Variants in RALGPS1 observed in about 807,000 individuals in gnomAD.
RALGPS1 encodes the protein Ral GEF with PH domain and SH3 binding motif 1, also known as ras-specific guanine nucleotide-releasing factor RalGPS1.
RALGPS1 carries 19 observed loss-of-function variants against 78.8 expected under a neutral mutation model. That is an observed-to-expected ratio of 0.24 (90% CI 0.17 to 0.35). The LOEUF (loss-of-function observed/expected upper bound fraction) is 0.35, where lower values mean the gene tolerates loss of function less well. RALGPS1 is among the 10% of genes least tolerant of loss of function. RALGPS1 has a pLI of 1.00. For synonymous variants in RALGPS1, 228 were observed against 256.3 expected (o/e 0.89, Z 1.06); for missense variants, 454 against 688.3 (o/e 0.66, Z 3.81).
chr9:127,173,858 C>T (rs377304944), intron 10 of RALGPS1, among the ~76,000 whole-genome samples: 1 of 152,214 alleles, frequency 6.6e-6, no homozygotes, highest in African/African-American at 2.4e-5. Flanking sequence ...ACTAAAAATA[C>T]AAAAATTAGC....
intron 4 of RALGPS1, among the ~76,000 whole-genome samples, chr9:127,003,977 G>T (rs1245008337): frequency 6.6e-6 from 1 of 152,126 alleles, no homozygotes; most frequent in Non-Finnish European, 1.5e-5. Flanking sequence ...GGCATCTTGG[G>T]CCTCAAATCC....
intron 8 of RALGPS1, among the ~76,000 whole-genome samples, chr9:127,111,584 C>T (rs866751378): frequency 1.3e-5 from 2 of 152,318 alleles, no homozygotes; most frequent in South Asian, 2.1e-4. Flanking sequence ...GTCAGAGCTG[C>T]GCAGAGGAGG....
At chr9:127,182,344 T>G (rs932755176) in intron 11 of RALGPS1, among the ~76,000 whole-genome samples, 1 of 144,078 alleles carries the variant, frequency 6.9e-6, no homozygotes, top group South Asian at 2.4e-4. Flanking sequence ...CTTCCTTCCT[T>G]CCTTCCTCCC....
At chr9:127,089,197 T>C in intron 8 of RALGPS1, 2 of 1,576,684 alleles carry the variant, frequency 1.3e-6, no homozygotes, top group Non-Finnish European at 1.7e-6. Flanking sequence ...CTTGCGTCCA[T>C]AGTGCTCAGG....
chr9:127,182,536 T>C (rs767959339), intron 11 of RALGPS1, among the ~76,000 whole-genome samples: 64 of 151,510 alleles, frequency 4.2e-4, no homozygotes, highest in Non-Finnish European at 8.2e-4. Flanking sequence ...TTCAAGTGAT[T>C]CTCCTGCCTC....
At chr9:126,965,815 T>C (rs761539696) in intron 2 of RALGPS1, 29 bp from the exon 3 acceptor site, 8 of 1,559,398 alleles carry the variant, frequency 5.1e-6, no homozygotes, top group Non-Finnish European at 6.2e-6. Context: ...TATCATTCAG[T>C]TGGCACCATC....
intron 8 of RALGPS1, chr9:127,093,714 A>G (rs373723019): frequency 8.7e-6 from 14 of 1,612,974 alleles, no homozygotes; most frequent in Middle Eastern, 1.6e-4. Flanking sequence ...CAGCACAGAC[A>G]TCCCCTGCCG....
chr9:127,154,970 G>T (rs12115785), intron 8 of RALGPS1, among the ~76,000 whole-genome samples: 1 of 152,144 alleles, frequency 6.6e-6, no homozygotes, highest in Non-Finnish European at 1.5e-5. Context: ...ATAGAGGCAG[G>T]TTTCTAAGGC....
chr9:126,918,759 G>A (rs1290835325), intron 1 of RALGPS1, among the ~76,000 whole-genome samples: 5 of 148,818 alleles, frequency 3.4e-5, no homozygotes, highest in East Asian at 2.0e-4. Flanking sequence ...AGCAACCTCC[G>A]CCTCCCGGGT....
At chr9:127,193,521 A>G (rs1335085140) in intron 11 of RALGPS1, among the ~76,000 whole-genome samples, 5 of 152,216 alleles carry the variant, frequency 3.3e-5, no homozygotes, top group Non-Finnish European at 7.3e-5. Context: ...ACAGGAGCTC[A>G]GAACTGGAGG....
intron 1 of RALGPS1, among the ~76,000 whole-genome samples, chr9:126,943,361 G>T (rs1158862200): frequency 6.6e-6 from 1 of 152,042 alleles, no homozygotes; most frequent in African/African-American, 2.4e-5. Context: ...CAGGCTGGTT[G>T]TGAACTCCTG....
intron 2 of RALGPS1, among the ~76,000 whole-genome samples, chr9:126,965,495 A>C (rs2039391129): frequency 6.6e-6 from 1 of 152,204 alleles, no homozygotes; most frequent in African/African-American, 2.4e-5. Flanking sequence ...GGGTGTGGCA[A>C]CTGAAGGTAT....
At chr9:127,018,762 C>T (rs1260147787) in intron 4 of RALGPS1, among the ~76,000 whole-genome samples, 1 of 151,998 alleles carries the variant, frequency 6.6e-6, no homozygotes, top group Non-Finnish European at 1.5e-5. Flanking sequence ...ATTGTATGTG[C>T]TGTACCTTTA....
intron 4 of RALGPS1, among the ~76,000 whole-genome samples, chr9:127,004,082 C>T (rs936546411): frequency 2.0e-5 from 3 of 152,110 alleles, no homozygotes; most frequent in Admixed American, 6.6e-5. Flanking sequence ...GTTACTTTGC[C>T]GTAGACAGAG....
At chr9:127,072,317 A>G (rs1237837428) in intron 8 of RALGPS1, among the ~76,000 whole-genome samples, 4 of 152,128 alleles carry the variant, frequency 2.6e-5, no homozygotes, top group Admixed American at 6.5e-5. Flanking sequence ...GGTTGAAGTG[A>G]TCCTCCCGCC....
In RALGPS1 at chr9:126,932,836, T is replaced by C. The variant is rs1358074801; in HGVS notation, c.-66+17861T>C. 2.0e-5 allele frequency among the ~76,000 whole-genome samples: 3 copies of C among 152,214 alleles called. No individual in the cohort carries two copies. The East Asian group carries it at 5.8e-4, about 29-fold the overall frequency. On this transcript the variant is annotated intron_variant, in intron 1 of 18. Coordinates refer to ENST00000259351, the MANE Select transcript of RALGPS1 (RefSeq NM_014636.3). Reference sequence around the variant, plus strand: ...GTTAGAGGTGCTTTGCTTAATATTTTTTAACTGTTGGTCGTGAAGGATCGT... The same window carrying C: ...GTTAGAGGTGCTTTGCTTAATATTTCTTAACTGTTGGTCGTGAAGGATCGT...
chr9:127,145,571 G>A (rs1200429123), intron 8 of RALGPS1, among the ~76,000 whole-genome samples: 1 of 152,152 alleles, frequency 6.6e-6, no homozygotes, highest in Admixed American at 6.6e-5. Flanking sequence ...TAACTCCAAG[G>A]CACCAAGCCC....
At chr9:127,002,434 T>TA (rs1324009553) in intron 4 of RALGPS1, among the ~76,000 whole-genome samples, 1 of 9,472 alleles carries the variant, frequency 1.1e-4, no homozygotes, top group Non-Finnish European at 2.2e-4. Context: ...ACAAACATTC[T>TA]TTTTTTTTTT....
chr9:126,925,301 C>A (rs2035161163), intron 1 of RALGPS1, among the ~76,000 whole-genome samples: 1 of 151,972 alleles, frequency 6.6e-6, no homozygotes, highest in Admixed American at 6.6e-5. Flanking sequence ...AATCCCAGCA[C>A]TTTGGGAGGC....
Sources: allele counts gnomAD v4.1 joint callset (sites outside exome capture counted in the v4.1 genomes callset), GRCh38; gene constraint gnomAD v4.1.1; transcripts MANE v1.5; gene names NCBI Gene and HGNC (gene_info 2026-07-23, HGNC 2026-07-21).